Variants in LRRC8B observed in about 807,000 individuals in gnomAD.
LRRC8B encodes volume-regulated anion channel subunit LRRC8B.
Under a neutral mutation model 58.8 loss-of-function variants are expected in LRRC8B, and 23 were observed. The observed-to-expected ratio is 0.39, with a 90% CI of 0.28 to 0.55. LRRC8B has a LOEUF of 0.55. Among genes scored for constraint, LRRC8B ranks in the 20% least tolerant of loss-of-function variants. The pLI, the probability that LRRC8B is intolerant of heterozygous loss-of-function variation, is 0.62. For synonymous variants in LRRC8B, 359 were observed against 374.1 expected (o/e 0.96, Z 0.47); for missense variants, 694 against 936.0 (o/e 0.74, Z 3.37).
intron 1 of LRRC8B, among the ~76,000 whole-genome samples, chr1:89,536,482 T>C (rs1441594908): frequency 6.6e-6 from 1 of 152,218 alleles, no homozygotes; most frequent in East Asian, 1.9e-4. Context: ...TAGCAGGCCC[T>C]AGAGTTTTCA....
At position 89,524,890 on chromosome 1, in the gene LRRC8B, GC is replaced by G. The variant is rs1251413261; in HGVS notation, c.-371del. 6.6e-6 allele frequency: 1 copy of G among 152,272 alleles called. No homozygotes were observed. Among genetic ancestry groups the G allele is most frequent in the Non-Finnish European group, 1.5e-5 (1 of 68,120 alleles). 9.4% of individuals were successfully genotyped at this position (152,272 alleles called of 1,614,324 possible). On this transcript the variant is annotated 5_prime_UTR_variant, in exon 1 of 6. The change abolishes the stop of an existing upstream ORF in the 5' untranslated region. Coordinates refer to ENST00000330947, the MANE Select transcript of LRRC8B (RefSeq NM_001369817.2). ...GGTCGGAGGCGGCGAGCCGGACAGC[GC>G]CGGGGCTTCCCGCTGAGCCCGCAGC...
In LRRC8B at chr1:89,534,514, T is replaced by TACACACACACAC. The variant is rs71312000; in HGVS notation, c.-241+9507_-241+9518dup. Among the ~76,000 whole-genome samples, 929 of 149,202 alleles carry TACACACACACAC rather than the reference T, an allele frequency of 6.2e-3. 6 individuals are homozygous for TACACACACACAC. The highest frequency in any genetic ancestry group is 0.022 in the African/African-American group (897 of 40,798). ...TTTCATTATCATGTCTTTTGTGACA[T>TACACACACACAC]ACACACACACACACACACACACACA... is the stretch of plus-strand genomic sequence containing the variant. On this transcript the variant is annotated intron_variant, in intron 1 of 5. Transcript: ENST00000330947.
At chr1:89,571,407 G>T (rs1252238604) in intron 3 of LRRC8B, among the ~76,000 whole-genome samples, 1 of 152,046 alleles carries the variant, frequency 6.6e-6, no homozygotes, top group Non-Finnish European at 1.5e-5. Context: ...GCAATGGTTT[G>T]TAGTTCTCCC....
chr1:89,583,683 T>C lies in LRRC8B; in HGVS notation c.1033T>C (p.Tyr345His), dbSNP rs750068604. 6 of 1,614,086 alleles carry C rather than the reference T, an allele frequency of 3.7e-6. No homozygotes were observed. Among genetic ancestry groups the C allele is most frequent in the Non-Finnish European group, 5.1e-6 (6 of 1,180,048 alleles). ...WWMLRSSLKQ[Y>H]SFEALREKSN... ...GATGCTGAGGAGTTCCCTGAAGCAA[T>C]ATTCCTTTGAGGCGTTAAGAGAAAA... Residue 345 changes from tyrosine to histidine, a missense_variant, in exon 5 of 6, where the codon TAT (tyrosine) becomes CAT (histidine). By Grantham distance (83) the Tyr-to-His change is moderately conservative. Transcript: ENST00000330947. The surrounding 1 kb of genome is among the most constrained non-coding windows in gnomAD (Gnocchi z 5.2).
intron 3 of LRRC8B, among the ~76,000 whole-genome samples, chr1:89,571,128 T>C (rs1653442338): frequency 1.3e-5 from 2 of 152,200 alleles, no homozygotes; most frequent in Non-Finnish European, 2.9e-5. Flanking sequence ...GTAGTATAGT[T>C]TGAAGTTTAG....
At chr1:89,578,435 A>G (rs1654000341) in intron 3 of LRRC8B, among the ~76,000 whole-genome samples, 1 of 123,558 alleles carries the variant, frequency 8.1e-6, no homozygotes, top group African/African-American at 2.5e-5. Context: ...TGAATGAGAA[A>G]TCTTACTCCA....
rs746785840 is a variant in LRRC8B, at chr1:89,583,106, T to C, written c.456T>C (p.Phe152=). 1 of 1,614,192 alleles carries C rather than the reference T, an allele frequency of 6.2e-7. No homozygotes were observed. The highest frequency in any genetic ancestry group is 8.5e-7 in the Non-Finnish European group (1 of 1,180,046). The change falls in exon 5 of 6, where the codon TTT becomes TTC. Residue 152 remains phenylalanine (F), a synonymous_variant. Transcript: ENST00000330947. The surrounding 1 kb of genome is among the most constrained non-coding windows in gnomAD (Gnocchi z 5.2). ...YPSTSSRLEH[F]VAILHKCFDS... is the part of the protein sequence containing the mutation. ...GTACCAGTTCCAGGCTCGAGCATTT[T>C]GTGGCCATCCTTCACAAGTGCTTCG... is the stretch of plus-strand genomic sequence containing the variant.
chr1:89,591,802 G>A (rs1279768087), intron 5 of LRRC8B, among the ~76,000 whole-genome samples: 1 of 152,128 alleles, frequency 6.6e-6, no homozygotes, highest in Non-Finnish European at 1.5e-5. Flanking sequence ...TTCTAACAAA[G>A]CCAGTTTTGG....
chr1:89,593,716 A>C lies in LRRC8B; in HGVS notation c.*673A>C, dbSNP rs927064548. 1 of 152,080 alleles carries C rather than the reference A, an allele frequency of 6.6e-6. No homozygotes were observed. The highest frequency in any genetic ancestry group is 2.4e-5 in the African/African-American group (1 of 41,396). The allele number at this position is 152,080 out of a possible 1,614,324, so 9.4% of individuals were successfully genotyped here. A position where few individuals can be genotyped will look rare whatever the true frequency, so the allele number is the denominator to read the frequency against. On this transcript the variant is annotated 3_prime_UTR_variant, in exon 6 of 6. Coordinates refer to ENST00000330947, the MANE Select transcript of LRRC8B (RefSeq NM_001369817.2). ...CCCAGTCCCCATTACTTATTTGCAC[A>C]CTTGTTTTAACTGACTTCCTGTTTT...
chr1:89,541,448 A>G (rs1241995550), intron 1 of LRRC8B, among the ~76,000 whole-genome samples: 4 of 151,940 alleles, frequency 2.6e-5, no homozygotes, highest in African/African-American at 4.8e-5. Flanking sequence ...GCGGTGGCTC[A>G]CGCCTGTAAT....
intron 1 of LRRC8B, among the ~76,000 whole-genome samples, 164 bp downstream of exon 1, chr1:89,525,186 G>C (rs546203882): frequency 6.6e-6 from 1 of 152,242 alleles, no homozygotes; most frequent in Non-Finnish European, 1.5e-5. Flanking sequence ...CCGGTAGCGC[G>C]GCTGCAGAGA....
chr1:89,582,211 C>CA (rs367553054), intron 4 of LRRC8B, among the ~76,000 whole-genome samples: 32,105 of 135,170 alleles, frequency 0.24, 3,729 homozygotes, highest in South Asian at 0.36. Context: ...GACCCTGTCT[C>CA]AAAAAAAAAA....
At chr1:89,561,213 C>T (rs373165447) in intron 1 of LRRC8B, among the ~76,000 whole-genome samples, 186 of 151,246 alleles carry the variant, frequency 1.2e-3, no homozygotes, top group Non-Finnish European at 1.6e-3. Flanking sequence ...TCATGTCCTT[C>T]GCCCACTTTT....
At chr1:89,559,677 C>T (rs1652477919) in intron 1 of LRRC8B, among the ~76,000 whole-genome samples, 1 of 151,860 alleles carries the variant, frequency 6.6e-6, no homozygotes, top group African/African-American at 2.4e-5. Flanking sequence ...TACACACACC[C>T]ACACACATTT....
chr1:89,591,695 C>T (rs1654985329), intron 5 of LRRC8B, among the ~76,000 whole-genome samples: 1 of 152,096 alleles, frequency 6.6e-6, no homozygotes, highest in Non-Finnish European at 1.5e-5. Context: ...TGAGGAGAGA[C>T]AGTTCTGGAT....
chr1:89,528,137 C>T (rs1649837716), intron 1 of LRRC8B, among the ~76,000 whole-genome samples: 1 of 152,000 alleles, frequency 6.6e-6, no homozygotes, highest in South Asian at 2.1e-4. Flanking sequence ...TAAATTCTTT[C>T]TTCTCATCTG....
At chr1:89,575,898 G>A (rs1307566186) in intron 3 of LRRC8B, among the ~76,000 whole-genome samples, 1 of 151,992 alleles carries the variant, frequency 6.6e-6, no homozygotes, top group Non-Finnish European at 1.5e-5. Flanking sequence ...TAAACATATT[G>A]TAAACTTTAG....
chr1:89,573,947 A>G (rs753970117), intron 3 of LRRC8B, among the ~76,000 whole-genome samples: 3 of 152,232 alleles, frequency 2.0e-5, no homozygotes, highest in Non-Finnish European at 2.9e-5. Context: ...TTTTTTGATC[A>G]ATAGAATGTG....
At chr1:89,536,880 C>CT (rs1013673060) in intron 1 of LRRC8B, among the ~76,000 whole-genome samples, 1 of 152,080 alleles carries the variant, frequency 6.6e-6, no homozygotes, top group Non-Finnish European at 1.5e-5. Context: ...TAATTTTTAA[C>CT]TTTTTTATAT....
Sources: allele counts gnomAD v4.1 joint callset (sites outside exome capture counted in the v4.1 genomes callset), GRCh38; gene constraint gnomAD v4.1.1; non-coding constraint Gnocchi (gnomAD v3.1); transcripts MANE v1.5; gene names NCBI Gene and HGNC (gene_info 2026-07-23, HGNC 2026-07-21).